The following VSNL1 variants were observed in gnomAD, a reference collection of about 807,000 sequenced individuals.
The protein encoded by VSNL1 is visinin-like protein 1.
A neutral mutation model predicts 20.4 loss-of-function variants in VSNL1; 6 were observed. That is an observed-to-expected ratio of 0.29 (90% confidence interval 0.16 to 0.58). The LOEUF is 0.58. Among genes scored for constraint, VSNL1 ranks in the 20% least tolerant of loss-of-function variants. The pLI, the probability that VSNL1 is intolerant of heterozygous loss-of-function variation, is 0.90. For synonymous variants in VSNL1, 93 were observed against 86.4 expected, an observed-to-expected ratio of 1.08 and a Z score of -0.42; for missense variants, 100 against 234.5, an observed-to-expected ratio of 0.43 and a Z score of 3.75.
chr2:17,619,754 G>A (rs1665309815), intron 2 of VSNL1, among the ~76,000 whole-genome samples: 1 of 152,062 alleles, frequency 6.6e-6, no homozygotes, highest in Non-Finnish European at 1.5e-5. Flanking sequence ...CTCACCTGAG[G>A]AATGAGGGTA....
intron 1 of VSNL1, among the ~76,000 whole-genome samples, chr2:17,586,798 A>C (rs543833021): frequency 6.6e-6 from 1 of 152,326 alleles, no homozygotes; most frequent in African/African-American, 2.4e-5. Context: ...TTGGCAGAGA[A>C]GTATCATGGA....
Position 17,633,257 on chromosome 2 carries a change from A to T in VSNL1, c.163-16153A>T, listed in dbSNP as rs202095564. ...ATGACCCTCCCACTGGGTCCCTCCC[A>T]GGACACATAGGAATTATGGGAGCTA... On this transcript the variant is annotated intron_variant, in intron 2 of 3. Transcript: ENST00000295156. Among the ~76,000 whole-genome samples, 17 of 150,900 alleles carry T rather than the reference A, an allele frequency of 1.1e-4. No individual in the cohort carries two copies. The East Asian group carries it at 3.3e-3, about 30-fold the overall frequency.
At position 17,575,361 on chromosome 2, in the gene VSNL1, A is replaced by G. The variant is rs1664182495; in HGVS notation, c.-5-16709A>G. ...GAATAATTTGAAGGTTAAATCATTG[A>G]AGACAGTCCATAAAATAATTGAAAT... On this transcript the variant is annotated intron_variant, in intron 1 of 3. Transcript: ENST00000295156. Among the ~76,000 whole-genome samples the G allele has an allele frequency of 1.3e-5, 2 of 152,208 alleles. 1 individual carries two copies. The highest frequency in any genetic ancestry group is 1.3e-4 in the Admixed American group (2 of 15,284).
intron 1 of VSNL1, among the ~76,000 whole-genome samples, chr2:17,561,365 A>G (rs1373500656): frequency 1.3e-5 from 2 of 152,178 alleles, no homozygotes; most frequent in Non-Finnish European, 2.9e-5. Context: ...AGCATGTACA[A>G]GGGCTGGATT....
chr2:17,628,992 A>T (rs1382228562), intron 2 of VSNL1, among the ~76,000 whole-genome samples: 2 of 152,224 alleles, frequency 1.3e-5, no homozygotes, highest in Admixed American at 1.3e-4. Context: ...AGTGGCACAA[A>T]GAGAATGCCT....
At chr2:17,557,525 G>A (rs981243870) in intron 1 of VSNL1, among the ~76,000 whole-genome samples, 2 of 152,136 alleles carry the variant, frequency 1.3e-5, no homozygotes, top group African/African-American at 4.8e-5. Context: ...AGTGTAACAA[G>A]GAGACCTATA....
rs112678518 is a variant in VSNL1 at position 17,592,285 on chromosome 2, G to A, written c.162+49G>A. ...TTTATTCCTTAGGCCAGAAACTATG[G>A]CCTTCATGAAATTGTACCCTCACAT... is the stretch of plus-strand genomic sequence containing the variant. On this transcript the variant is annotated intron_variant, in intron 2 of 3. Transcript: ENST00000295156. The A allele has an allele frequency of 7.6e-6, 12 of 1,585,198 alleles. No homozygotes were observed. The African/African-American group carries it at 1.5e-4, about 20-fold the overall frequency.
chr2:17,542,493 C>A (rs1446972058), intron 1 of VSNL1, among the ~76,000 whole-genome samples: 3 of 152,106 alleles, frequency 2.0e-5, no homozygotes, highest in Non-Finnish European at 4.4e-5. Context: ...TTTGATCAGT[C>A]CAACCATTTG....
intron 2 of VSNL1, among the ~76,000 whole-genome samples, chr2:17,597,344 C>T (rs889898962): frequency 6.6e-6 from 1 of 152,222 alleles, no homozygotes; most frequent in African/African-American, 2.4e-5. Context: ...AGAAAGGAGA[C>T]TTCCTTCCTC....
rs1293395265 is a variant in VSNL1, at chr2:17,649,559, C to T, written c.312C>T (p.Ala104=). 1.9e-6 allele frequency: 3 copies of T among 1,614,188 alleles called. No individual in the cohort carries two copies. In the East Asian group the frequency reaches 6.7e-5, roughly 36 times the overall value. ...RGSFEQKLNW[A]FNMYDLDGDG... is the part of the protein sequence containing the mutation. ...GCTTTGAGCAGAAGCTGAACTGGGC[C>T]TTCAATATGTATGACCTGGATGGTG... The change falls in exon 3 of 4, where the codon GCC becomes GCT. Residue 104 remains alanine, a synonymous_variant. Transcript: ENST00000295156. This position sits in a 1 kb window ranked among gnomAD's most constrained non-coding sequence, Gnocchi z 6.4.
rs571178534 is a variant in VSNL1 at position 17,591,943 on chromosome 2, A to G, written c.-5-127A>G. ...CAAGTAGAAGGAGGCAGACTTGGGAAGATATGCATCAGCCACACTGGAGGG... is the reference window on the plus strand; with the variant it reads ...CAAGTAGAAGGAGGCAGACTTGGGAGGATATGCATCAGCCACACTGGAGGG... On this transcript the variant is annotated intron_variant, in intron 1 of 3. Transcript: ENST00000295156. 5.9e-5 allele frequency: 54 copies of G among 918,024 alleles called. 2 individuals are homozygous for G. The South Asian group carries it at 9.1e-4, about 15-fold the overall frequency. The allele number at this position is 918,024 out of a possible 1,614,324, so 56.9% of individuals were successfully genotyped here.
At chr2:17,647,569 G>T (rs562322283) in intron 2 of VSNL1, among the ~76,000 whole-genome samples, 1 of 152,120 alleles carries the variant, frequency 6.6e-6, no homozygotes, top group Non-Finnish European at 1.5e-5. Flanking sequence ...AAAACTCAGC[G>T]CCTGGCAGCC....
intron 1 of VSNL1, among the ~76,000 whole-genome samples, chr2:17,583,698 G>A (rs923066220): frequency 6.6e-6 from 1 of 152,218 alleles, no homozygotes; most frequent in African/African-American, 2.4e-5. Context: ...AGTTGGGGCT[G>A]TGAGGTCCTC....
chr2:17,621,689 A>G (rs761141130), intron 2 of VSNL1, among the ~76,000 whole-genome samples: 50 of 152,148 alleles, frequency 3.3e-4, no homozygotes, highest in Non-Finnish European at 6.2e-4. Flanking sequence ...GTGCAATGGC[A>G]CAATCATAGC....
chr2:17,654,931 G>A (rs1666194101), intron 3 of VSNL1, among the ~76,000 whole-genome samples: 3 of 152,196 alleles, frequency 2.0e-5, no homozygotes. Context: ...GGACTTACAG[G>A]AGCACGTGCT....
intron 2 of VSNL1, among the ~76,000 whole-genome samples, chr2:17,609,724 TG>T (rs1415150544): frequency 1.9e-4 from 29 of 152,232 alleles, no homozygotes; most frequent in African/African-American, 7.0e-4. Context: ...TCTGAGGCAC[TG>T]AGGACTGAGA....
intron 2 of VSNL1, among the ~76,000 whole-genome samples, chr2:17,632,731 T>G (rs566535801): frequency 6.6e-6 from 1 of 152,392 alleles, no homozygotes; most frequent in East Asian, 1.9e-4. Context: ...GCTATTTTCA[T>G]TAAAGTGCCT....
chr2:17,567,003 G>A (rs962605681), intron 1 of VSNL1, among the ~76,000 whole-genome samples: 11 of 152,100 alleles, frequency 7.2e-5, no homozygotes, highest in Admixed American at 3.3e-4. Flanking sequence ...GTATTAAATA[G>A]TGTGGCTTTA....
rs1661838860 is a variant in VSNL1 at position 17,649,687 on chromosome 2, T to G, written c.378+62T>G. On this transcript the variant is annotated intron_variant, in intron 3 of 3. Transcript: ENST00000295156. This position sits in a 1 kb window ranked among gnomAD's most constrained non-coding sequence, Gnocchi z 6.4. Reference sequence around the variant, plus strand: ...AGAAGGAGACCCCACGGCAGCCTCCTAGGTGCAGGCCTTAGTGGCTTCTTC... The same window carrying G: ...AGAAGGAGACCCCACGGCAGCCTCCGAGGTGCAGGCCTTAGTGGCTTCTTC... 3.0e-5 allele frequency: 46 copies of G among 1,526,976 alleles called. No individual in the cohort carries two copies. The highest frequency in any genetic ancestry group is 4.1e-5 in the Non-Finnish European group (45 of 1,106,824). The allele number at this position is 1,526,976 out of a possible 1,614,324, so 94.6% of individuals were successfully genotyped here.
Sources: gnomAD v4.1 joint callset for allele counts (sites outside exome capture counted in the v4.1 genomes callset) on GRCh38, gnomAD v4.1.1 for gene constraint, Gnocchi (gnomAD v3.1) non-coding constraint, MANE v1.5 for transcripts, NCBI Gene and HGNC (gene_info 2026-07-23, HGNC 2026-07-21) for gene names.